The following NELL2 variants were observed in gnomAD, a reference collection of about 807,000 sequenced individuals.
NELL2 encodes neural EGFL like 2.
Under a neutral mutation model 109.6 loss-of-function variants are expected in NELL2, and 41 were observed. The observed-to-expected ratio is 0.37, with a 90% CI of 0.29 to 0.49. The LOEUF (loss-of-function observed/expected upper bound fraction) is 0.49. NELL2 is among the 20% of genes least tolerant of loss of function. The pLI is 0.98. For synonymous variants in NELL2, 355 were observed against 344.7 expected, an observed-to-expected ratio of 1.03 and a Z score of -0.33; for missense variants, 900 against 1,008.3, an observed-to-expected ratio of 0.89 and a Z score of 1.45.
chr12:44,712,496 C>T (rs1938258467), intron 10 of NELL2, among the ~76,000 whole-genome samples: 1 of 151,898 alleles, frequency 6.6e-6, no homozygotes, highest in Non-Finnish European at 1.5e-5. Context: ...CCTAGGACTG[C>T]TAATATTTTC....
At chr12:44,793,065 A>G (rs1346022171) in intron 3 of NELL2, among the ~76,000 whole-genome samples, 3 of 152,212 alleles carry the variant, frequency 2.0e-5, no homozygotes, top group African/African-American at 7.2e-5. Flanking sequence ...AAACAATACC[A>G]TAGTGTACTA....
At position 44,876,151 on chromosome 12, in the gene NELL2, C is replaced by G; in HGVS notation, c.-282G>C. 1 of 1,265,966 alleles carries G rather than the reference C, an allele frequency of 7.9e-7. No homozygotes were observed. The highest frequency in any genetic ancestry group is 3.3e-5 in the East Asian group (1 of 30,108). 78.4% of individuals were successfully genotyped at this position (1,265,966 alleles called of 1,614,324 possible). A position where few individuals can be genotyped will look rare whatever the true frequency, so the allele number is the denominator to read the frequency against. On this transcript the variant is annotated 5_prime_UTR_variant, in exon 1 of 20. Transcript: ENST00000429094. ...GCCCGGAGGGAGGGGTCGGACTCGC[C>G]CCGGCGCGGCTCCGTCGGGGAATTA...
chr12:44,619,909 A>C (rs532260586), intron 13 of NELL2, among the ~76,000 whole-genome samples: 231 of 152,078 alleles, frequency 1.5e-3, no homozygotes, highest in Non-Finnish European at 1.3e-3. Flanking sequence ...AGAAGGTCTA[A>C]AGTATAACGG....
At chr12:44,614,120 T>C (rs1051290247) in intron 13 of NELL2, among the ~76,000 whole-genome samples, 3 of 152,050 alleles carry the variant, frequency 2.0e-5, no homozygotes, top group Non-Finnish European at 4.4e-5. Context: ...GAATATCCAA[T>C]CTATAAGACT....
chr12:44,591,107 T>C (rs1244026696), intron 15 of NELL2, among the ~76,000 whole-genome samples: 2 of 151,892 alleles, frequency 1.3e-5, no homozygotes, highest in African/African-American at 2.4e-5. Flanking sequence ...ATGGCTATTA[T>C]CAAAAAGAGA....
intron 1 of NELL2, among the ~76,000 whole-genome samples, chr12:44,905,208 T>TCA (rs1367704996): frequency 2.6e-5 from 4 of 152,136 alleles, no homozygotes; most frequent in African/African-American, 9.6e-5. Context: ...ATTGGGTATC[T>TCA]CAGCCTGTAC....
chr12:44,754,313 C>T (rs1022454900), intron 9 of NELL2, among the ~76,000 whole-genome samples: 2 of 152,160 alleles, frequency 1.3e-5, no homozygotes, highest in Non-Finnish European at 2.9e-5. Context: ...GGACCAGTTA[C>T]TGCTTTTTCA....
chr12:44,642,933 T>A (rs1033233562), intron 13 of NELL2, among the ~76,000 whole-genome samples: 8 of 152,092 alleles, frequency 5.3e-5, no homozygotes, highest in African/African-American at 1.9e-4. Flanking sequence ...TGTTATGTGT[T>A]CTTACCACAA....
intron 3 of NELL2, among the ~76,000 whole-genome samples, chr12:44,808,060 C>T (rs986436310): frequency 6.6e-6 from 1 of 152,080 alleles, no homozygotes; most frequent in Admixed American, 6.6e-5. Context: ...TGGTCCTCTG[C>T]ATCCCCATCT....
intron 10 of NELL2, among the ~76,000 whole-genome samples, chr12:44,712,595 A>G (rs1938264595): frequency 6.6e-6 from 1 of 152,000 alleles, no homozygotes. Context: ...TCAATTCTGC[A>G]ACACAGTAAA....
intron 3 of NELL2, among the ~76,000 whole-genome samples, chr12:44,790,600 AAC>A (rs1942345734): frequency 6.6e-6 from 1 of 150,720 alleles, no homozygotes; most frequent in Non-Finnish European, 1.5e-5. Flanking sequence ...CAACAACAAC[AAC>A]AAAAAAAGCC....
chr12:44,670,386 G>T (rs896343622), intron 12 of NELL2, among the ~76,000 whole-genome samples: 1 of 151,844 alleles, frequency 6.6e-6, no homozygotes, highest in Non-Finnish European at 1.5e-5. Context: ...CCATCAAATT[G>T]TAAAGTAAAC....
chr12:44,882,347 A>G (rs752419498), intron 1 of NELL2, among the ~76,000 whole-genome samples: 28 of 151,752 alleles, frequency 1.8e-4, no homozygotes, highest in Non-Finnish European at 2.9e-4. Context: ...ATGTATATAT[A>G]TATACACATA....
At chr12:44,726,728 A>C (rs576183629) in intron 9 of NELL2, among the ~76,000 whole-genome samples, 7 of 152,282 alleles carry the variant, frequency 4.6e-5, no homozygotes, top group African/African-American at 1.7e-4. Flanking sequence ...TGAGAAAAAC[A>C]GTACTTTTTT....
chr12:44,646,449 G>A (rs1264455289), intron 13 of NELL2, among the ~76,000 whole-genome samples: 1 of 152,136 alleles, frequency 6.6e-6, no homozygotes, highest in Non-Finnish European at 1.5e-5. Context: ...CCCTATATCT[G>A]CTATGTTTTT....
intron 9 of NELL2, among the ~76,000 whole-genome samples, chr12:44,723,820 G>A (rs1938922424): frequency 1.3e-5 from 2 of 152,156 alleles, no homozygotes; most frequent in Admixed American, 1.3e-4. Context: ...AGCCACTATG[G>A]AAAGCCGTTT....
chr12:44,682,044 A>G (rs1948527759), intron 12 of NELL2, among the ~76,000 whole-genome samples: 1 of 151,124 alleles, frequency 6.6e-6, no homozygotes, highest in Non-Finnish European at 1.5e-5. Flanking sequence ...ACAGTGTAAA[A>G]GTGTTCCTAT....
At chr12:44,584,601 C>A (rs1462566791) in intron 15 of NELL2, among the ~76,000 whole-genome samples, 1 of 152,168 alleles carries the variant, frequency 6.6e-6, no homozygotes, top group Non-Finnish European at 1.5e-5. Context: ...TTACTGATTC[C>A]ATTTCTAGTC....
intron 9 of NELL2, among the ~76,000 whole-genome samples, chr12:44,727,263 A>T (rs561802005): frequency 1.3e-5 from 2 of 152,238 alleles, no homozygotes; most frequent in East Asian, 3.9e-4. Flanking sequence ...GGAAATCAGT[A>T]TCTTTCAAGA....
Sources: gnomAD v4.1 joint callset for allele counts (sites outside exome capture counted in the v4.1 genomes callset) on GRCh38, gnomAD v4.1.1 for gene constraint, MANE v1.5 for transcripts, NCBI Gene and HGNC (gene_info 2026-07-23, HGNC 2026-07-21) for gene names.